The following ZNF623 variants were observed in gnomAD, a reference collection of about 807,000 sequenced individuals.
ZNF623 encodes the protein zinc finger protein 623.
ZNF623 carries 16 observed loss-of-function variants against 24.0 expected under a neutral mutation model. The observed-to-expected ratio is 0.67, with a 90% confidence interval of 0.45 to 1.01. The LOEUF (loss-of-function observed/expected upper bound fraction) is 1.01. Ranked by LOEUF, ZNF623 falls within the 50% of genes least tolerant of loss-of-function variation. ZNF623 has a pLI of 0.00. For synonymous variants in ZNF623, 224 were observed against 219.8 expected (o/e 1.02, Z -0.17); for missense variants, 566 against 606.5 (o/e 0.93, Z 0.70).
chr8:143,636,054 C>CT lies in ZNF623; in HGVS notation c.-184dup, dbSNP rs1423400704. ...CGCGGCGGGCTGGCGGCGGTGCAGG[C>CT]TTTGTCGGCTGATCTGTGGGGCCCG... On this transcript the variant is annotated 5_prime_UTR_variant, in exon 1 of 2. Coordinates refer to ENST00000526926, the MANE Select transcript of ZNF623 (RefSeq NM_001261843.2). 6.6e-6 allele frequency: 1 copy of CT among 152,434 alleles called. No homozygotes were observed. The highest frequency in any genetic ancestry group is 1.5e-5 in the Non-Finnish European group (1 of 68,228). 9.4% of individuals were successfully genotyped at this position (152,434 alleles called of 1,614,324 possible).
At chr8:143,647,576 A>G (rs1409825473) in intron 1 of ZNF623, among the ~76,000 whole-genome samples, 2 of 152,212 alleles carry the variant, frequency 1.3e-5, no homozygotes, top group Non-Finnish European at 2.9e-5. Flanking sequence ...TCTTTCTACG[A>G]AAGTGCAAAG....
intron 1 of ZNF623, among the ~76,000 whole-genome samples, chr8:143,642,835 G>A (rs533964845): frequency 2.2e-4 from 34 of 152,250 alleles, no homozygotes; most frequent in South Asian, 1.0e-3. Flanking sequence ...GTTACCTGCC[G>A]GGCACCTGGC....
intron 1 of ZNF623, among the ~76,000 whole-genome samples, chr8:143,640,767 C>G (rs747734426): frequency 6.6e-6 from 1 of 151,934 alleles, no homozygotes; most frequent in Non-Finnish European, 1.5e-5. Flanking sequence ...ATAGCCAAAT[C>G]CCGTCTCTAC....
At chr8:143,647,509 C>T (rs560770761) in intron 1 of ZNF623, among the ~76,000 whole-genome samples, 22 of 152,304 alleles carry the variant, frequency 1.4e-4, no homozygotes, top group Admixed American at 1.3e-3. Context: ...GATCAGGTGA[C>T]GTCAACACAG....
chr8:143,653,219 A>G lies in ZNF623; in HGVS notation c.*1736A>G, dbSNP rs1341156297. The G allele has an allele frequency of 3.0e-5, 5 of 167,104 alleles. No homozygotes were observed. The allele number at this position is 167,104 out of a possible 1,614,324, so 10.4% of individuals were successfully genotyped here. ...GCCAAACTGTTAGTCTTTACCTCTGAATTTCATCTGGACATGAACCCCAAA... is the reference window on the plus strand; with the variant it reads ...GCCAAACTGTTAGTCTTTACCTCTGGATTTCATCTGGACATGAACCCCAAA... On this transcript the variant is annotated 3_prime_UTR_variant, in exon 2 of 2. Transcript: ENST00000526926.
At chr8:143,639,117 C>G (rs570429547) in intron 1 of ZNF623, among the ~76,000 whole-genome samples, 129 of 152,258 alleles carry the variant, frequency 8.5e-4, no homozygotes, top group Non-Finnish European at 1.5e-3. Flanking sequence ...GTCTCGAACT[C>G]CTGACCTCAG....
chr8:143,642,194 T>C (rs1023119453), intron 1 of ZNF623, among the ~76,000 whole-genome samples: 3 of 152,242 alleles, frequency 2.0e-5, no homozygotes, highest in Non-Finnish European at 4.4e-5. Context: ...AGCTTCACCT[T>C]GCACTTCTAT....
chr8:143,642,776 T>A (rs958133202), intron 1 of ZNF623, among the ~76,000 whole-genome samples: 1 of 152,168 alleles, frequency 6.6e-6, no homozygotes, highest in Non-Finnish European at 1.5e-5. Context: ...GCTTCTTATA[T>A]GGGTGCGGTT....
chr8:143,638,336 G>A (rs531847554), intron 1 of ZNF623, among the ~76,000 whole-genome samples: 3 of 30,334 alleles, frequency 9.9e-5, no homozygotes, highest in South Asian at 3.6e-3. Flanking sequence ...GTGAGATTCC[G>A]TCTTAAAAAA....
intron 1 of ZNF623, among the ~76,000 whole-genome samples, chr8:143,647,187 G>A (rs193007770): frequency 2.0e-5 from 3 of 151,920 alleles, no homozygotes; most frequent in East Asian, 1.9e-4. Flanking sequence ...TTGAGACGGC[G>A]TCTTGCTCTG....
rs1815283216 is a variant in ZNF623 at position 143,650,690 on chromosome 8, T to C, written c.698T>C (p.Ile233Thr). The C allele has an allele frequency of 6.2e-7, 1 of 1,614,052 alleles. No homozygotes were observed. Among genetic ancestry groups the C allele is most frequent in the East Asian group, 2.2e-5 (1 of 44,864 alleles). The change falls in exon 2 of 2, where the codon ATA becomes ACA. Residue 233 changes from isoleucine to threonine, a missense_variant. Around this residue, in one of 3 missense-constraint regions of ZNF623, gnomAD observed 313 missense variants for 300.4 expected, o/e 1.04. Coordinates refer to ENST00000526926, the MANE Select transcript of ZNF623 (RefSeq NM_001261843.2). The surrounding 1 kb of genome is among the most constrained non-coding windows in gnomAD (Gnocchi z 5.2). ...TGCAATGAATGTGGGAAATCCTTCATAAGGAGCTCGAGCCTCATTCGCCAT... is the reference window on the plus strand; with the variant it reads ...TGCAATGAATGTGGGAAATCCTTCACAAGGAGCTCGAGCCTCATTCGCCAT... ...YECNECGKSF[I>T]RSSSLIRHYQ...
chr8:143,644,194 T>C (rs2131445463), intron 1 of ZNF623, among the ~76,000 whole-genome samples: 1 of 152,280 alleles, frequency 6.6e-6, no homozygotes, highest in African/African-American at 2.4e-5. Context: ...ATAATTTTTG[T>C]ATTTTTAGTA....
chr8:143,647,397 C>T (rs944743590), intron 1 of ZNF623, among the ~76,000 whole-genome samples: 3 of 151,840 alleles, frequency 2.0e-5, no homozygotes, highest in Admixed American at 6.6e-5. Flanking sequence ...CTCCTGACCT[C>T]GTGGTCCGCC....
Position 143,641,442 on chromosome 8 carries a change from GTTTTTTTTTTTTTTTT to G in ZNF623, c.-96+5307_-96+5322del, listed in dbSNP as rs1156729366. Among the ~76,000 whole-genome samples, 7 of 10,038 alleles carry G rather than the reference GTTTTTTTTTTTTTTTT, an allele frequency of 7.0e-4. 3 individuals are homozygous for G. Among genetic ancestry groups the G allele is most frequent in the African/African-American group, 1.2e-3 (7 of 5,922 alleles). The allele number at this position is 10,038 out of a possible 152,430, so 6.6% of individuals were successfully genotyped here. A position where few individuals can be genotyped will look rare whatever the true frequency, so the allele number is the denominator to read the frequency against. Reference sequence around the variant, plus strand: ...ACCAGGAGCATTGTCAGTGAGTAGTGTTTTTTTTTTTTTTTTTTTTTTTTTCTTTTTTTTTTTTTTT... The same window carrying G: ...ACCAGGAGCATTGTCAGTGAGTAGTGTTTTTTTTTCTTTTTTTTTTTTTTT... On this transcript the variant is annotated intron_variant, in intron 1 of 1. Transcript: ENST00000526926.
rs769877060 is a variant in ZNF623 at position 143,649,833 on chromosome 8, C to A, written c.-95-65C>A. On this transcript the variant is annotated intron_variant, in intron 1 of 1. Transcript: ENST00000526926. ...CTCTTGGATATGGATTTTATCCTGC[C>A]CTGATTCAGGAGATCCCCATCTGTT... is the stretch of plus-strand genomic sequence containing the variant. The A allele has an allele frequency of 1.9e-6, 3 of 1,558,886 alleles. No individual in the cohort carries two copies. In the East Asian group the frequency reaches 6.8e-5, roughly 35 times the overall value.
intron 1 of ZNF623, among the ~76,000 whole-genome samples, chr8:143,639,652 GC>G (rs1357747781): frequency 6.6e-6 from 1 of 152,196 alleles, no homozygotes; most frequent in Non-Finnish European, 1.5e-5. Flanking sequence ...GCCGCACCTG[GC>G]CCAGTTTGAA....
Position 143,650,434 on chromosome 8 carries a change from T to G in ZNF623, c.442T>G (p.Phe148Val). The G allele has an allele frequency of 1.2e-6, 2 of 1,614,114 alleles. No homozygotes were observed. The highest frequency in any genetic ancestry group is 1.7e-6 in the Non-Finnish European group (2 of 1,180,030). Residue 148 changes from phenylalanine to valine, a missense_variant, in exon 2 of 2, where the codon TTC (phenylalanine) becomes GTC (valine). Coordinates refer to ENST00000526926, the MANE Select transcript of ZNF623 (RefSeq NM_001261843.2). This position sits in a 1 kb window ranked among gnomAD's most constrained non-coding sequence, Gnocchi z 5.2. Reference sequence around the variant, plus strand: ...CGTCTGTAATGTGTGTGGGAAAGACTTCATTCACTATTCAGGTCTCATTGA... The same window carrying G: ...CGTCTGTAATGTGTGTGGGAAAGACGTCATTCACTATTCAGGTCTCATTGA... The part of the protein sequence containing the change: ...LYVCNVCGKD[F>V]IHYSGLIEHQ...
At chr8:143,647,089 CTG>C (rs1186617287) in intron 1 of ZNF623, among the ~76,000 whole-genome samples, 1 of 152,004 alleles carries the variant, frequency 6.6e-6, no homozygotes, top group African/African-American at 2.4e-5. Context: ...GTGGTCAGAA[CTG>C]TGCAGAGAAA....
At chr8:143,641,153 A>G (rs1179119208) in intron 1 of ZNF623, among the ~76,000 whole-genome samples, 1 of 152,160 alleles carries the variant, frequency 6.6e-6, no homozygotes, top group Non-Finnish European at 1.5e-5. Context: ...CAAAATACCA[A>G]ATGTTGATGT....
Sources: allele counts gnomAD v4.1 joint callset (sites outside exome capture counted in the v4.1 genomes callset), GRCh38; gene constraint gnomAD v4.1.1; regional missense constraint gnomAD v4.1.1; non-coding constraint Gnocchi (gnomAD v3.1); transcripts MANE v1.5; gene names NCBI Gene and HGNC (gene_info 2026-07-23, HGNC 2026-07-21).